ZC3H13: variants seen among roughly 807,000 people sequenced by gnomAD.
The protein encoded by ZC3H13 is zinc finger CCCH domain-containing protein 13.
Under a neutral mutation model 204.1 loss-of-function variants are expected in ZC3H13, and 64 were observed. The observed-to-expected ratio is 0.31, with a 90% confidence interval of 0.26 to 0.39. ZC3H13 has a LOEUF of 0.39. ZC3H13 is among the 10% of genes least tolerant of loss of function. ZC3H13 has a pLI of 1.00. For synonymous variants in ZC3H13, 667 were observed against 693.7 expected, an observed-to-expected ratio of 0.96 and a Z score of 0.60; for missense variants, 1,833 against 2,082.7, an observed-to-expected ratio of 0.88 and a Z score of 2.33.
At chr13:45,998,029 C>T (rs944830070) in intron 8 of ZC3H13, among the ~76,000 whole-genome samples, 2 of 152,206 alleles carry the variant, frequency 1.3e-5, no homozygotes, top group Non-Finnish European at 2.9e-5. Flanking sequence ...AGCAATTTTA[C>T]TTAAGCACAA....
rs1951256508 is a variant in ZC3H13 at position 45,955,998 on chromosome 13, T to C, written c.*1129A>G. 1 of 152,182 alleles carries C rather than the reference T, an allele frequency of 6.6e-6. No homozygotes were observed. The allele number at this position is 152,182 out of a possible 1,614,324, so 9.4% of individuals were successfully genotyped here. A position where few individuals can be genotyped will look rare whatever the true frequency, so the allele number is the denominator to read the frequency against. On this transcript the variant is annotated 3_prime_UTR_variant, in exon 19 of 19. Coordinates refer to ENST00000679008, the MANE Select transcript of ZC3H13 (RefSeq NM_001330564.2). ...CTTCTTTTATTATTATCACTACTAC[T>C]GTCTGCTCACAAATTCTGTGGCCAG...
rs755554458 is a variant in ZC3H13 at position 45,975,477 on chromosome 13, CCT to C, written c.2272_2273del (p.Arg758GlyfsTer24). Reference protein sequence around the residue: ...EREREREERERERERERERER... With the variant: ...EREREREEREXERERERERER... Reference sequence around the variant, plus strand: ...CTCTCTCCCGTTCTCGCTCTCTCTCCCTCTCTCTCTCTTCTCTTTCTCGTTCC... The same window carrying C: ...CTCTCTCCCGTTCTCGCTCTCTCTCCCTCTCTCTCTTCTCTTTCTCGTTCC... On this transcript the variant is annotated frameshift_variant, in exon 12 of 19. Transcript: ENST00000679008. LOFTEE classifies it high-confidence loss of function. The C allele has an allele frequency of 3.1e-6, 5 of 1,610,680 alleles. No individual in the cohort carries two copies. The highest frequency in any genetic ancestry group is 1.3e-5 in the African/African-American group (1 of 74,328).
At chr13:46,032,666 C>A (rs2042975122) in intron 4 of ZC3H13, among the ~76,000 whole-genome samples, 1 of 152,128 alleles carries the variant, frequency 6.6e-6, no homozygotes. Context: ...CCCTAAGACA[C>A]AGACACAAAA....
chr13:46,031,484 C>A (rs1177230603), intron 4 of ZC3H13, among the ~76,000 whole-genome samples: 1 of 151,552 alleles, frequency 6.6e-6, no homozygotes, highest in Non-Finnish European at 1.5e-5. Flanking sequence ...TTAAAAAAAC[C>A]ATCAAAATAA....
chr13:46,020,970 A>T (rs1432205123), intron 4 of ZC3H13, among the ~76,000 whole-genome samples: 1 of 152,062 alleles, frequency 6.6e-6, no homozygotes, highest in African/African-American at 2.4e-5. Flanking sequence ...TTTAAAATGA[A>T]TAAAATACAA....
At chr13:45,999,108 C>T (rs957365319) in intron 8 of ZC3H13, among the ~76,000 whole-genome samples, 1 of 152,150 alleles carries the variant, frequency 6.6e-6, no homozygotes, top group African/African-American at 2.4e-5. Flanking sequence ...AGTGTGGCAA[C>T]GCAAGCCTGT....
Position 45,959,540 on chromosome 13 carries a change from C to G in ZC3H13, c.4782G>C (p.Lys1594Asn). ...CAGAATCCCGTCTGAAGCACAACGC[C>G]TTACAACATGGGCCAAGATTACTAA... ...SLLSNLGPCCKALCFRRDSAI... is the reference protein window; with the variant it reads ...SLLSNLGPCCNALCFRRDSAI... Residue 1594 changes from lysine (K) to asparagine (N), a missense_variant, in exon 18 of 19, where the codon AAG becomes AAC. Physicochemically the swap from Lys to Asn is moderately conservative, Grantham distance 94 (BLOSUM62 0). Around this residue, in one of 5 missense-constraint regions of ZC3H13, gnomAD observed 211 missense variants for 228.4 expected, o/e 0.92. Transcript: ENST00000679008. 6.5e-7 allele frequency: 1 copy of G among 1,548,738 alleles called. No homozygotes were observed. The highest frequency in any genetic ancestry group is 1.2e-5 in the South Asian group (1 of 83,808).
rs375283519 is a variant in ZC3H13 at position 45,985,717 on chromosome 13, G to T, written c.1300C>A (p.Arg434=). ...GAGCTCTGATCCTGTTCATATTCTCGTTCTTCTCTTGAGTCCTTTTCTCTG... is the reference window on the plus strand; with the variant it reads ...GAGCTCTGATCCTGTTCATATTCTCTTTCTTCTCTTGAGTCCTTTTCTCTG... The part of the protein sequence containing the change: ...RDREKDSREE[R]EYEQDQSSSR... Residue 434 remains arginine, a synonymous_variant, in exon 10 of 19, where the codon CGA becomes AGA. Transcript: ENST00000679008. The T allele has an allele frequency of 6.2e-7, 1 of 1,612,900 alleles. No individual in the cohort carries two copies. The highest frequency in any genetic ancestry group is 8.5e-7 in the Non-Finnish European group (1 of 1,179,828).
At chr13:46,023,368 C>A (rs951575165) in intron 4 of ZC3H13, among the ~76,000 whole-genome samples, 1 of 152,174 alleles carries the variant, frequency 6.6e-6, no homozygotes, top group African/African-American at 2.4e-5. Flanking sequence ...AGAGGTTCTA[C>A]CTCCCTACAA....
At chr13:46,028,916 A>C (rs1365283111) in intron 4 of ZC3H13, among the ~76,000 whole-genome samples, 4 of 152,144 alleles carry the variant, frequency 2.6e-5, no homozygotes, top group Non-Finnish European at 5.9e-5. Context: ...AATTAAACCC[A>C]AAGTAAGCAG....
chr13:46,001,580 G>A (rs2040747346), intron 8 of ZC3H13: 1 of 152,140 alleles, frequency 6.6e-6, no homozygotes, highest in South Asian at 2.1e-4. Flanking sequence ...GAGAAAAACT[G>A]GAAAATGAAG....
At chr13:46,040,386 T>G (rs886472270) in intron 4 of ZC3H13, among the ~76,000 whole-genome samples, 3 of 152,022 alleles carry the variant, frequency 2.0e-5, no homozygotes, top group African/African-American at 7.2e-5. Flanking sequence ...CAACTGGATA[T>G]CCACATGCAA....
intron 8 of ZC3H13, among the ~76,000 whole-genome samples, chr13:45,990,742 T>C (rs1436835877): frequency 6.6e-6 from 1 of 151,276 alleles, no homozygotes; most frequent in Admixed American, 6.6e-5. Flanking sequence ...ACTGCAAGAG[T>C]AAAAATTAGA....
In ZC3H13 at chr13:45,975,682, T is replaced by C; in HGVS notation, c.2069A>G (p.Glu690Gly). 6.2e-7 allele frequency: 1 copy of C among 1,612,620 alleles called. No homozygotes were observed. The highest frequency in any genetic ancestry group is 8.5e-7 in the Non-Finnish European group (1 of 1,179,272). Residue 690 changes from glutamate to glycine, a missense_variant, in exon 12 of 19, where the codon GAG (glutamate) becomes GGG (glycine). Physicochemically the swap from Glu to Gly is moderately conservative, Grantham distance 98 (BLOSUM62 -2). Transcript: ENST00000679008. ...ATCCCGTTCACGTTCCCTCTCTCTC[T>C]CCCGCTCCCTGTCTCGTTCTCGTTC... ...DRERERDRER[E>G]RERERERDRE...
chr13:45,975,815 G>T lies in ZC3H13; in HGVS notation c.1936C>A (p.Arg646=), dbSNP rs1473707202. The T allele has an allele frequency of 1.2e-6, 2 of 1,611,846 alleles. No individual in the cohort carries two copies. The highest frequency in any genetic ancestry group is 1.7e-6 in the Non-Finnish European group (2 of 1,178,562). The part of the protein sequence containing the change: ...ERDQRPSSPI[R]HQGRNDELER... ...AGCTCGTCATTCCTTCCCTGATGTC[G>T]AATTGGTGAGCTTGGTCTTTGATCT... The change falls in exon 12 of 19, where the codon CGA becomes AGA. Residue 646 remains arginine (R), a synonymous_variant. Transcript: ENST00000679008.
chr13:46,005,278 A>G (rs545801159), intron 7 of ZC3H13, among the ~76,000 whole-genome samples: 12 of 152,156 alleles, frequency 7.9e-5, no homozygotes, highest in Non-Finnish European at 1.6e-4. Context: ...TTTTCATTTC[A>G]AAACTTTTCC....
intron 8 of ZC3H13, among the ~76,000 whole-genome samples, chr13:45,999,939 G>A (rs970431647): frequency 3.9e-5 from 6 of 152,128 alleles, no homozygotes; most frequent in African/African-American, 1.4e-4. Flanking sequence ...GAGCTCCTGC[G>A]TAAACAGGCA....
At chr13:45,985,008 C>T (rs925107816) in intron 10 of ZC3H13, among the ~76,000 whole-genome samples, 8 of 152,112 alleles carry the variant, frequency 5.3e-5, no homozygotes, top group Non-Finnish European at 1.0e-4. Context: ...GCAACTTCCT[C>T]GTGATTCTAC....
chr13:46,042,037 T>A, intron 4 of ZC3H13, 127 bp downstream of exon 4: 1 of 641,194 alleles, frequency 1.6e-6, no homozygotes, highest in Non-Finnish European at 2.6e-6. Flanking sequence ...AATTACATTA[T>A]CCATATAGAA....
Sources: gnomAD v4.1 joint callset for allele counts (sites outside exome capture counted in the v4.1 genomes callset) on GRCh38, gnomAD v4.1.1 for gene constraint, gnomAD v4.1.1 regional missense constraint, MANE v1.5 for transcripts, NCBI Gene and HGNC (gene_info 2026-07-23, HGNC 2026-07-21) for gene names.